Variants in SPECC1 observed in about 807,000 individuals in gnomAD.
The protein encoded by SPECC1 is cytospin-B.
A neutral mutation model predicts 104.1 loss-of-function variants in SPECC1; 62 were observed. That is an observed-to-expected ratio of 0.60 (90% CI 0.49 to 0.74). The LOEUF (loss-of-function observed/expected upper bound fraction) is 0.74, where lower values mean the gene tolerates loss of function less well. SPECC1 is among the 30% of genes least tolerant of loss of function. SPECC1 has a pLI of 0.00. For synonymous variants in SPECC1, 513 were observed against 501.6 expected, an observed-to-expected ratio of 1.02 and a Z score of -0.30; for missense variants, 1,306 against 1,310.5, an observed-to-expected ratio of 1.00 and a Z score of 0.05.
chr17:20,160,774 G>T (rs969477263), intron 3 of SPECC1, among the ~76,000 whole-genome samples: 1 of 151,984 alleles, frequency 6.6e-6, no homozygotes, highest in Non-Finnish European at 1.5e-5. Flanking sequence ...TACCCTTATT[G>T]TTTCTTGATT....
At chr17:20,239,605 A>G (rs1168408765) in intron 7 of SPECC1, among the ~76,000 whole-genome samples, 6 of 152,134 alleles carry the variant, frequency 3.9e-5, no homozygotes, top group African/African-American at 1.4e-4. Flanking sequence ...GAGTAATGCT[A>G]TAATAGCAGT....
chr17:20,205,340 G>A lies in SPECC1; in HGVS notation c.1291G>A (p.Glu431Lys). 1 of 1,614,192 alleles carries A rather than the reference G, an allele frequency of 6.2e-7. No homozygotes were observed. Among genetic ancestry groups the A allele is most frequent in the Non-Finnish European group, 8.5e-7 (1 of 1,180,038 alleles). ...AGAGACATCCTTTCATCAGCATCGA[G>A]AGAGGGCAGAGCAGCTAAGTCAAGA... The part of the protein sequence containing the change: ...ILETSFHQHR[E>K]RAEQLSQENE... Residue 431 changes from glutamate to lysine, a missense_variant, in exon 4 of 15, where the codon GAG becomes AAG. Coordinates refer to ENST00000395527, the MANE Select transcript of SPECC1 (RefSeq NM_001243439.2).
intron 3 of SPECC1, among the ~76,000 whole-genome samples, chr17:20,129,041 C>T (rs779805725): frequency 1.1e-4 from 17 of 152,056 alleles, no homozygotes; most frequent in Admixed American, 2.0e-4. Flanking sequence ...TACAGCCATG[C>T]GCCACCATGC....
At chr17:20,138,302 C>T (rs2030279748) in intron 3 of SPECC1, among the ~76,000 whole-genome samples, 2 of 152,114 alleles carry the variant, frequency 1.3e-5, no homozygotes, top group Non-Finnish European at 2.9e-5. Flanking sequence ...ACACCCTCTG[C>T]CCCCACACAT....
chr17:20,266,316 A>G (rs187863044), intron 12 of SPECC1, among the ~76,000 whole-genome samples: 2 of 151,960 alleles, frequency 1.3e-5, no homozygotes, highest in Non-Finnish European at 2.9e-5. Flanking sequence ...GGGCGCGGTG[A>G]CTCACGCCTG....
intron 2 of SPECC1, among the ~76,000 whole-genome samples, chr17:20,098,607 C>G (rs1198229533): frequency 1.3e-5 from 2 of 152,220 alleles, no homozygotes; most frequent in Non-Finnish European, 2.9e-5. Flanking sequence ...GAGCTCCAGC[C>G]ACACGTTCTG....
At chr17:20,068,083 A>G (rs1597643430) in intron 1 of SPECC1, among the ~76,000 whole-genome samples, 1 of 151,754 alleles carries the variant, frequency 6.6e-6, no homozygotes, top group Admixed American at 6.6e-5. Flanking sequence ...CTCCCACCTC[A>G]GCCTCCCAAG....
intron 9 of SPECC1, among the ~76,000 whole-genome samples, chr17:20,253,275 G>A (rs2039700112): frequency 1.3e-5 from 2 of 152,154 alleles, no homozygotes; most frequent in African/African-American, 4.8e-5. Context: ...TGGGAGATGG[G>A]AAGGAAAAGG....
At chr17:20,255,801 G>A (rs1210816910) in intron 10 of SPECC1, among the ~76,000 whole-genome samples, 1 of 152,096 alleles carries the variant, frequency 6.6e-6, no homozygotes, top group African/African-American at 2.4e-5. Context: ...TGAACTCCTG[G>A]CCTCAAGCAA....
intron 14 of SPECC1, among the ~76,000 whole-genome samples, chr17:20,312,942 T>G (rs1252654469): frequency 2.6e-5 from 4 of 152,208 alleles, no homozygotes; most frequent in Non-Finnish European, 4.4e-5. Context: ...ATGTGCTAAG[T>G]TCAGCCTTAC....
intron 3 of SPECC1, among the ~76,000 whole-genome samples, chr17:20,116,547 G>T (rs1260483859): frequency 6.6e-6 from 1 of 152,102 alleles, no homozygotes; most frequent in African/African-American, 2.4e-5. Flanking sequence ...CTTCAAAGAA[G>T]ACATAAATAA....
chr17:20,214,454 CAG>C (rs2037356512), intron 4 of SPECC1, among the ~76,000 whole-genome samples: 1 of 152,134 alleles, frequency 6.6e-6, no homozygotes, highest in Non-Finnish European at 1.5e-5. Flanking sequence ...GAATGAAGGA[CAG>C]AACAGGGAGT....
At chr17:20,239,816 T>A (rs895630086) in intron 7 of SPECC1, among the ~76,000 whole-genome samples, 4 of 151,618 alleles carry the variant, frequency 2.6e-5, no homozygotes, top group African/African-American at 9.7e-5. Context: ...TTGATCATAT[T>A]TTTGCCAATA....
At chr17:20,236,761 G>A (rs577349490) in intron 7 of SPECC1, 20 of 1,490,512 alleles carry the variant, frequency 1.3e-5, no homozygotes, top group Middle Eastern at 1.7e-4. Context: ...TTTTCCCTGT[G>A]GGACAGTGTA....
Position 20,317,967 on chromosome 17 carries a change from C to A in SPECC1, c.*3902C>A. 4.4e-6 allele frequency: 1 copy of A among 227,240 alleles called. No individual in the cohort carries two copies. 14.1% of individuals were successfully genotyped at this position (227,240 alleles called of 1,614,324 possible). A position where few individuals can be genotyped will look rare whatever the true frequency, so the allele number is the denominator to read the frequency against. The stretch of plus-strand genomic sequence containing the variant: ...GGTCTGTTTTTAACAGAGCTCAGAG[C>A]ACCAGGTGAAGGTGGAAAGTTGGCA... On this transcript the variant is annotated 3_prime_UTR_variant, in exon 15 of 15. Coordinates refer to ENST00000395527, the MANE Select transcript of SPECC1 (RefSeq NM_001243439.2).
At chr17:20,307,048 A>T (rs1464175733) in intron 14 of SPECC1, among the ~76,000 whole-genome samples, 2 of 152,226 alleles carry the variant, frequency 1.3e-5, no homozygotes, top group South Asian at 2.1e-4. Flanking sequence ...AGAAATGAAA[A>T]ATTGGAATTA....
At chr17:20,298,970 TGTATGTAGAGAGAG>T (rs1210673120) in intron 13 of SPECC1, among the ~76,000 whole-genome samples, 1 of 91,346 alleles carries the variant, frequency 1.1e-5, no homozygotes, top group Non-Finnish European at 2.2e-5. Context: ...TGTGTGTGTG[TGTATGTAGAGAGAG>T]AGAGAGAGAG....
At chr17:20,208,457 A>G (rs2036926117) in intron 4 of SPECC1, among the ~76,000 whole-genome samples, 1 of 152,224 alleles carries the variant, frequency 6.6e-6, no homozygotes, top group African/African-American at 2.4e-5. Context: ...TTGTATCTCT[A>G]CCACAGACTA....
chr17:20,284,979 A>G (rs1419044076), intron 12 of SPECC1, among the ~76,000 whole-genome samples: 2 of 152,198 alleles, frequency 1.3e-5, no homozygotes, highest in Non-Finnish European at 2.9e-5. Flanking sequence ...TCATGGAGGC[A>G]CCTGGAGGTC....
Sources: gnomAD v4.1 joint callset for allele counts (sites outside exome capture counted in the v4.1 genomes callset) on GRCh38, gnomAD v4.1.1 for gene constraint, MANE v1.5 for transcripts, NCBI Gene and HGNC (gene_info 2026-07-23, HGNC 2026-07-21) for gene names.